The following NHSL3 variants were observed in gnomAD, a reference collection of about 807,000 sequenced individuals.
The protein encoded by NHSL3 is NHS-like protein 3.
the NHSL3 span, among the ~76,000 whole-genome samples, chr1:32,752,956 T>C: frequency 0.28 from 1,137 of 4,034 alleles, 58 homozygotes; most frequent in African/African-American, 0.42. Context: ...CACACATATA[T>C]ATATATATAT....
At chr1:32,772,588 G>T in the NHSL3 span, 1 of 1,351,932 alleles carries the variant, frequency 7.4e-7, no homozygotes. Flanking sequence ...CCTTGCTGGG[G>T]CCCAGAGGAG....
chr1:32,745,599 G>T, the NHSL3 span, among the ~76,000 whole-genome samples: 1 of 150,430 alleles, frequency 6.6e-6, no homozygotes, highest in Non-Finnish European at 1.5e-5. Context: ...TGCTTCCCTG[G>T]TCTGCCCCTC....
chr1:32,759,823 AC>A, the NHSL3 span, among the ~76,000 whole-genome samples: 1 of 152,176 alleles, frequency 6.6e-6, no homozygotes, highest in Non-Finnish European at 1.5e-5. Context: ...TGGTTGGGTG[AC>A]CTTGAGCAAG....
chr1:32,758,906 G>A, the NHSL3 span, among the ~76,000 whole-genome samples: 1 of 152,132 alleles, frequency 6.6e-6, no homozygotes, highest in Non-Finnish European at 1.5e-5. Flanking sequence ...AAACTGAGGG[G>A]TTAGGGCTGC....
the NHSL3 span, among the ~76,000 whole-genome samples, chr1:32,766,902 A>G: frequency 1.4e-4 from 22 of 152,094 alleles, no homozygotes; most frequent in Non-Finnish European, 2.9e-4. Flanking sequence ...AACAGGGGCC[A>G]GGGCCAGGGC....
chr1:32,745,548 A>T, the NHSL3 span, among the ~76,000 whole-genome samples: 5 of 119,702 alleles, frequency 4.2e-5, no homozygotes, highest in African/African-American at 1.5e-4. Flanking sequence ...ACAGAGCGAG[A>T]CTAGGTCTCA....
At chr1:32,760,454 G>A in the NHSL3 span, among the ~76,000 whole-genome samples, 2 of 152,210 alleles carry the variant, frequency 1.3e-5, no homozygotes, top group Non-Finnish European at 2.9e-5. Context: ...AAGCCCCTGA[G>A]TAGGGGCTAC....
chr1:32,769,810 G>A, the NHSL3 span: 1 of 1,611,384 alleles, frequency 6.2e-7, no homozygotes, highest in South Asian at 1.1e-5. Flanking sequence ...TAGGAGGGCA[G>A]TGGTGGGGTG....
chr1:32,748,470 T>C, the NHSL3 span, among the ~76,000 whole-genome samples: 4 of 152,130 alleles, frequency 2.6e-5, no homozygotes, highest in Non-Finnish European at 5.9e-5. Flanking sequence ...AACACTCCCA[T>C]GTGTTTTCCC....
the NHSL3 span, among the ~76,000 whole-genome samples, chr1:32,751,705 G>A: frequency 6.6e-6 from 1 of 152,286 alleles, no homozygotes; most frequent in South Asian, 2.1e-4. Flanking sequence ...CATTGAGAAT[G>A]AAAAGGCACC....
the NHSL3 span, among the ~76,000 whole-genome samples, chr1:32,752,752 T>G: frequency 1.3e-5 from 2 of 151,490 alleles, no homozygotes; most frequent in Non-Finnish European, 2.9e-5. Flanking sequence ...TAATGTTTTG[T>G]GTTTTTAGCA....
the NHSL3 span, among the ~76,000 whole-genome samples, chr1:32,755,007 C>T: frequency 5.9e-5 from 9 of 152,108 alleles, no homozygotes; most frequent in Non-Finnish European, 1.3e-4. Flanking sequence ...GAACGCAGCC[C>T]TTGCCGGCTG....
At chr1:32,772,880 T>C in the NHSL3 span, 1 of 1,614,152 alleles carries the variant, frequency 6.2e-7, no homozygotes, top group Non-Finnish European at 8.5e-7. Flanking sequence ...CAGAAAGAGC[T>C]GGCCTGACCA....
the NHSL3 span, chr1:32,772,396 C>T: frequency 1.3e-6 from 2 of 1,558,422 alleles, no homozygotes; most frequent in Non-Finnish European, 1.7e-6. Context: ...TGGAGGTGTC[C>T]TGCAGCTGGT....
At chr1:32,747,540 G>A in the NHSL3 span, among the ~76,000 whole-genome samples, 1 of 152,124 alleles carries the variant, frequency 6.6e-6, no homozygotes, top group Non-Finnish European at 1.5e-5. Context: ...TTTGAGAATG[G>A]GCTGAGGGAG....
At chr1:32,772,904 T>C in the NHSL3 span, 5 of 1,613,770 alleles carry the variant, frequency 3.1e-6, no homozygotes, top group Non-Finnish European at 4.2e-6. Context: ...GGCACCTCAC[T>C]GGCACTGCTG....
At chr1:32,755,090 C>A in the NHSL3 span, among the ~76,000 whole-genome samples, 1 of 152,122 alleles carries the variant, frequency 6.6e-6, no homozygotes. Flanking sequence ...GCCTCCAATC[C>A]CAAGAGATGG....
chr1:32,749,321 C>T, the NHSL3 span, among the ~76,000 whole-genome samples: 3 of 152,136 alleles, frequency 2.0e-5, no homozygotes, highest in Non-Finnish European at 2.9e-5. Context: ...TTTGAATACC[C>T]GAAGGGCAGA....
At chr1:32,761,955 G>C in the NHSL3 span, among the ~76,000 whole-genome samples, 1 of 152,162 alleles carries the variant, frequency 6.6e-6, no homozygotes, top group African/African-American at 2.4e-5. Context: ...TGCACAGAAC[G>C]TGGCTTTTGG....
Sources: allele counts gnomAD v4.1 joint callset (sites outside exome capture counted in the v4.1 genomes callset), GRCh38; gene constraint gnomAD v4.1.1; transcripts MANE v1.5; gene names NCBI Gene and HGNC (gene_info 2026-07-23, HGNC 2026-07-21).